The following PPP1R9A variants were observed in gnomAD, a reference collection of about 807,000 sequenced individuals.
PPP1R9A encodes the protein neurabin-1.
A neutral mutation model predicts 141.9 loss-of-function variants in PPP1R9A; 59 were observed. The ratio of observed to expected loss-of-function variants is 0.42; its 90% CI spans 0.34 to 0.52. The LOEUF is 0.52. Ranked by LOEUF, PPP1R9A falls within the 20% of genes least tolerant of loss-of-function variation. The probability of loss-of-function intolerance (pLI) is 0.10; values close to 1 mark genes in which losing one functional copy is unlikely to be tolerated. For synonymous variants in PPP1R9A, 500 were observed against 569.7 expected, an observed-to-expected ratio of 0.88 and a Z score of 1.74; for missense variants, 1,444 against 1,611.9, an observed-to-expected ratio of 0.90 and a Z score of 1.78.
intron 2 of PPP1R9A, among the ~76,000 whole-genome samples, chr7:94,911,909 A>G (rs1791493428): frequency 6.6e-6 from 1 of 152,160 alleles, no homozygotes; most frequent in African/African-American, 2.4e-5. Context: ...TATGAAGTAT[A>G]ATGTACAATG....
At chr7:95,047,931 G>A (rs1477232602) in intron 2 of PPP1R9A, among the ~76,000 whole-genome samples, 1 of 152,094 alleles carries the variant, frequency 6.6e-6, no homozygotes, top group Non-Finnish European at 1.5e-5. Flanking sequence ...AATCTTTCCT[G>A]TTTTTCCTTA....
In PPP1R9A at chr7:94,908,245, G is replaced by C. The variant is rs1370066222; in HGVS notation, c.-217+543G>C. On this transcript the variant is annotated intron_variant, in intron 1 of 19. Coordinates refer to ENST00000433360, the MANE Select transcript of PPP1R9A (RefSeq NM_001166160.2). ...TGCAGGCTGGGGGTGGGGGTGGGTT[G>C]TGGTGGAGGAGCAATAGGTTGAAGA... 5.3e-5 allele frequency: 8 copies of C among 152,036 alleles called. No homozygotes were observed. The East Asian group carries it at 1.5e-3, about 29-fold the overall frequency. The allele number at this position is 152,036 out of a possible 1,614,324, so 9.4% of individuals were successfully genotyped here.
intron 2 of PPP1R9A, among the ~76,000 whole-genome samples, chr7:94,951,840 AC>A (rs1188586912): frequency 2.1e-5 from 3 of 144,548 alleles, no homozygotes; most frequent in African/African-American, 7.7e-5. Flanking sequence ...ACCATTTAGG[AC>A]TTTTTTTTTT....
chr7:94,968,245 T>C (rs987708715), intron 2 of PPP1R9A, among the ~76,000 whole-genome samples: 6 of 151,830 alleles, frequency 4.0e-5, no homozygotes, highest in African/African-American at 1.4e-4. Context: ...GGATCTCGGC[T>C]CACTGCAAGC....
chr7:95,063,724 G>A (rs1812575985), intron 2 of PPP1R9A, among the ~76,000 whole-genome samples: 1 of 152,150 alleles, frequency 6.6e-6, no homozygotes. Context: ...TCTTGAAACT[G>A]CAAAAGGGCC....
At chr7:95,227,701 C>A (rs1434626592) in intron 8 of PPP1R9A, among the ~76,000 whole-genome samples, 1 of 152,048 alleles carries the variant, frequency 6.6e-6, no homozygotes, top group East Asian at 1.9e-4. Flanking sequence ...ATGTTACTGA[C>A]CCTGGTGTAG....
intron 6 of PPP1R9A, 49 bp from the exon 7 acceptor site, chr7:95,203,616 C>A: frequency 7.2e-7 from 1 of 1,385,818 alleles, no homozygotes; most frequent in Non-Finnish European, 9.9e-7. Context: ...AGGCTGCTCT[C>A]TGCGGTGGGG....
chr7:95,185,264 T>G (rs961188476), intron 5 of PPP1R9A, among the ~76,000 whole-genome samples: 1 of 152,158 alleles, frequency 6.6e-6, no homozygotes, highest in African/African-American at 2.4e-5. Context: ...GGTTTCGGTT[T>G]GCATTTCCCT....
chr7:95,180,653 T>A (rs1319189094), intron 5 of PPP1R9A, among the ~76,000 whole-genome samples: 5 of 152,070 alleles, frequency 3.3e-5, no homozygotes, highest in African/African-American at 4.8e-5. Context: ...ATATCCAGAA[T>A]CTACGACAAT....
At chr7:94,932,622 A>G (rs929644604) in intron 2 of PPP1R9A, among the ~76,000 whole-genome samples, 5 of 152,146 alleles carry the variant, frequency 3.3e-5, no homozygotes, top group Non-Finnish European at 7.4e-5. Flanking sequence ...GAGAAGGGAA[A>G]GGGGTGGTGG....
At chr7:95,203,541 G>A in intron 6 of PPP1R9A, 124 bp from the exon 7 acceptor site, 2 of 628,256 alleles carry the variant, frequency 3.2e-6, no homozygotes, top group Non-Finnish European at 5.2e-6. Context: ...CCGCAATATT[G>A]TCTTAGTACT....
Position 95,241,705 on chromosome 7 carries a change from G to T in PPP1R9A, c.2113-5768G>T, listed in dbSNP as rs557123574. Among the ~76,000 whole-genome samples the T allele has an allele frequency of 5.9e-5, 9 of 152,076 alleles. No homozygotes were observed. In the South Asian group the frequency reaches 1.9e-3, roughly 32 times the overall value. ...TCGACATTTCTCTTGAAGAAAAAAT[G>T]GAGTCTAAAAGTTGGTTTATTTTAT... On this transcript the variant is annotated intron_variant, in intron 8 of 19. Transcript: ENST00000433360.
intron 2 of PPP1R9A, among the ~76,000 whole-genome samples, chr7:94,970,797 G>T (rs551256965): frequency 2.8e-4 from 43 of 152,132 alleles, no homozygotes; most frequent in African/African-American, 9.9e-4. Flanking sequence ...ATTGTTAAGA[G>T]TAAACAGGGT....
At chr7:95,278,421 A>G (rs1803586523) in intron 16 of PPP1R9A, among the ~76,000 whole-genome samples, 1 of 152,174 alleles carries the variant, frequency 6.6e-6, no homozygotes, top group African/African-American at 2.4e-5. Context: ...TATTATTGTT[A>G]AAATTATTTT....
intron 2 of PPP1R9A, among the ~76,000 whole-genome samples, chr7:95,096,813 G>A (rs909572895): frequency 6.6e-6 from 1 of 152,062 alleles, no homozygotes; most frequent in African/African-American, 2.4e-5. Flanking sequence ...CTTCTTCTCA[G>A]AATGCCTTCC....
chr7:95,151,898 A>T (rs1828740129), intron 4 of PPP1R9A, among the ~76,000 whole-genome samples: 1 of 148,904 alleles, frequency 6.7e-6, no homozygotes, highest in South Asian at 2.1e-4. Context: ...TATTTTTTAC[A>T]TTAATAAAGG....
intron 2 of PPP1R9A, among the ~76,000 whole-genome samples, chr7:94,916,508 T>C (rs1035425164): frequency 6.6e-6 from 1 of 152,208 alleles, no homozygotes; most frequent in African/African-American, 2.4e-5. Flanking sequence ...GGAATAATAT[T>C]CTCTGAAGAT....
At position 95,164,411 on chromosome 7, in the gene PPP1R9A, T is replaced by G. The variant is rs141129804; in HGVS notation, c.1754+2440T>G. ...TTCTTTTTTTACCTCTTTTGGATTT[T>G]TTTCTCTTATAATTGGGCTTTTGTA... On this transcript the variant is annotated intron_variant, in intron 5 of 19. Transcript: ENST00000433360. 2.1e-3 allele frequency among the ~76,000 whole-genome samples: 325 copies of G among 152,340 alleles called. 2 individuals carry two copies. The highest frequency in any genetic ancestry group is 2.7e-3 in the Non-Finnish European group (185 of 68,034).
intron 14 of PPP1R9A, among the ~76,000 whole-genome samples, chr7:95,270,466 T>C (rs1409360118): frequency 1.3e-5 from 2 of 152,144 alleles, no homozygotes; most frequent in Non-Finnish European, 2.9e-5. Context: ...TCATTTTTTT[T>C]CATATCTGAG....
Sources: gnomAD v4.1 joint callset for allele counts (sites outside exome capture counted in the v4.1 genomes callset) on GRCh38, gnomAD v4.1.1 for gene constraint, MANE v1.5 for transcripts, NCBI Gene and HGNC (gene_info 2026-07-23, HGNC 2026-07-21) for gene names.